CSTPP1: variants seen among roughly 807,000 people sequenced by gnomAD.
CSTPP1 encodes centriolar satellite-associated tubulin polyglutamylase complex regulator 1, also known as UPF0705 protein C11orf49.
the CSTPP1 span, among the ~76,000 whole-genome samples, chr11:46,955,033 G>GA: frequency 4.0e-5 from 6 of 151,742 alleles, no homozygotes; most frequent in Non-Finnish European, 8.8e-5. Context: ...AAAGGATCAG[G>GA]AAAAAAACAG....
the CSTPP1 span, chr11:47,137,619 T>A: frequency 2.5e-6 from 4 of 1,614,072 alleles, no homozygotes; most frequent in Non-Finnish European, 3.4e-6. Flanking sequence ...AGAGACCTAA[T>A]GTGTTCCTCT....
At chr11:47,137,251 G>A in the CSTPP1 span, 1 of 1,291,506 alleles carries the variant, frequency 7.7e-7, no homozygotes, top group African/African-American at 1.5e-5. Flanking sequence ...CATGTGGTGG[G>A]AAACGTTACC....
the CSTPP1 span, among the ~76,000 whole-genome samples, chr11:47,120,306 G>A: frequency 6.6e-6 from 1 of 152,100 alleles, no homozygotes; most frequent in Non-Finnish European, 1.5e-5. This position sits in a 1 kb window ranked among gnomAD's most constrained non-coding sequence, Gnocchi z 4.2. Context: ...ATATGTATAA[G>A]CAAGTGAGAT....
the CSTPP1 span, among the ~76,000 whole-genome samples, chr11:47,008,995 C>T: frequency 6.6e-6 from 1 of 151,430 alleles, no homozygotes; most frequent in Non-Finnish European, 1.5e-5. Context: ...CACACCACTG[C>T]ACTCCAGCCT....
At chr11:47,007,121 C>G in the CSTPP1 span, among the ~76,000 whole-genome samples, 1 of 151,194 alleles carries the variant, frequency 6.6e-6, no homozygotes, top group African/African-American at 2.4e-5. Context: ...CCCACTCTGC[C>G]TTCCTGGTTC....
the CSTPP1 span, among the ~76,000 whole-genome samples, chr11:46,939,275 A>T: frequency 1.3e-5 from 2 of 151,356 alleles, no homozygotes; most frequent in African/African-American, 4.9e-5. Context: ...TTTTTAGTAG[A>T]GATGGGTTTC....
the CSTPP1 span, among the ~76,000 whole-genome samples, chr11:47,057,376 C>T: frequency 1.3e-5 from 2 of 152,018 alleles, no homozygotes. Flanking sequence ...ATTTAATTTT[C>T]AATATATACA....
chr11:47,069,940 C>G, the CSTPP1 span, among the ~76,000 whole-genome samples: 1 of 152,184 alleles, frequency 6.6e-6, no homozygotes, highest in African/African-American at 2.4e-5. Flanking sequence ...GTCTTGAACT[C>G]CTGACCTCAT....
chr11:47,039,489 G>A, the CSTPP1 span, among the ~76,000 whole-genome samples: 3 of 126,822 alleles, frequency 2.4e-5, 1 homozygote, highest in Admixed American at 2.5e-4. Context: ...TGGGGAGAGG[G>A]AGAGGGAGAG....
the CSTPP1 span, among the ~76,000 whole-genome samples, chr11:47,001,956 A>G: frequency 6.6e-6 from 1 of 152,174 alleles, no homozygotes; most frequent in Non-Finnish European, 1.5e-5. Context: ...TCTTTGGGCC[A>G]TTTCTGCTCA....
the CSTPP1 span, among the ~76,000 whole-genome samples, chr11:47,044,028 C>A: frequency 6.6e-6 from 1 of 152,128 alleles, no homozygotes; most frequent in East Asian, 1.9e-4. Flanking sequence ...GCTCTGTCAC[C>A]CAGGCTGGAG....
the CSTPP1 span, among the ~76,000 whole-genome samples, chr11:47,030,711 C>T: frequency 1.3e-5 from 2 of 152,090 alleles, no homozygotes; most frequent in Non-Finnish European, 2.9e-5. Flanking sequence ...TGTGTTGTTC[C>T]CCTCTATGCA....
At chr11:47,041,502 T>G in the CSTPP1 span, 4 of 355,896 alleles carry the variant, frequency 1.1e-5, no homozygotes, top group African/African-American at 8.0e-5. Flanking sequence ...ATCTGCTGAG[T>G]GTCATGTCAA....
At chr11:47,027,547 G>T in the CSTPP1 span, among the ~76,000 whole-genome samples, 3 of 152,194 alleles carry the variant, frequency 2.0e-5, no homozygotes, top group Non-Finnish European at 2.9e-5. Flanking sequence ...TAACAGAAAA[G>T]CACTTGGTGA....
the CSTPP1 span, chr11:47,103,832 GC>G: frequency 1.3e-5 from 2 of 151,606 alleles, no homozygotes; most frequent in African/African-American, 4.9e-5. Context: ...GTGTTACCAC[GC>G]CCTGCTAATT....
chr11:47,019,416 A>G, the CSTPP1 span, among the ~76,000 whole-genome samples: 1 of 152,190 alleles, frequency 6.6e-6, no homozygotes, highest in African/African-American at 2.4e-5. Flanking sequence ...GGCTTTTGAC[A>G]TGCTCTCTTC....
the CSTPP1 span, among the ~76,000 whole-genome samples, chr11:46,977,633 C>T: frequency 4.6e-5 from 7 of 152,312 alleles, no homozygotes; most frequent in East Asian, 1.3e-3. Flanking sequence ...TGTTTATGAA[C>T]GGTGGCTTAC....
chr11:46,974,954 GA>G, the CSTPP1 span, among the ~76,000 whole-genome samples: 1 of 150,302 alleles, frequency 6.7e-6, no homozygotes, highest in African/African-American at 2.5e-5. Context: ...AGAAACCAAA[GA>G]AAATATATTT....
At chr11:47,145,842 C>G in the CSTPP1 span, among the ~76,000 whole-genome samples, 1 of 152,138 alleles carries the variant, frequency 6.6e-6, no homozygotes, top group Non-Finnish European at 1.5e-5. Context: ...TGCTGTGTTG[C>G]TCAGGCTGGT....
Sources: gnomAD v4.1 joint callset for allele counts (sites outside exome capture counted in the v4.1 genomes callset) on GRCh38, gnomAD v4.1.1 for gene constraint, Gnocchi (gnomAD v3.1) non-coding constraint, MANE v1.5 for transcripts, NCBI Gene and HGNC (gene_info 2026-07-23, HGNC 2026-07-21) for gene names.